The following DHX32 variants were observed in gnomAD, a reference collection of about 807,000 sequenced individuals.
The protein encoded by DHX32 is putative pre-mRNA-splicing factor ATP-dependent RNA helicase DHX32.
DHX32 carries 51 observed loss-of-function variants against 70.0 expected under a neutral mutation model. The observed-to-expected ratio is 0.73, with a 90% confidence interval of 0.58 to 0.92. The LOEUF (loss-of-function observed/expected upper bound fraction) is 0.92, where lower values mean the gene tolerates loss of function less well. Among genes scored for constraint, DHX32 ranks in the 40% least tolerant of loss-of-function variants. The pLI, the probability that DHX32 is intolerant of heterozygous loss-of-function variation, is 0.00. For missense variants in DHX32, 762 were observed against 891.8 expected, an observed-to-expected ratio of 0.85 and a Z score of 1.85; for synonymous variants, 310 against 315.3, an observed-to-expected ratio of 0.98 and a Z score of 0.18.
At chr10:125,859,560 T>C (rs990288835) in intron 3 of DHX32, 43 bp downstream of exon 3, 4 of 1,513,972 alleles carry the variant, frequency 2.6e-6, no homozygotes, top group Non-Finnish European at 3.5e-6. Flanking sequence ...GCTTCCCAAA[T>C]GAAATACCTT....
intron 1 of DHX32, among the ~76,000 whole-genome samples, chr10:125,894,619 A>C (rs1944405306): frequency 6.6e-6 from 1 of 152,308 alleles, no homozygotes; most frequent in Non-Finnish European, 1.5e-5. Context: ...CATTTTTTCC[A>C]AACTTAAAAC....
rs764051139 is a variant in DHX32, at chr10:125,838,240, AGTT to A, written c.2026_2028del (p.Asn676del). 15 of 1,611,870 alleles carry A rather than the reference AGTT, an allele frequency of 9.3e-6. No homozygotes were observed. Among genetic ancestry groups the A allele is most frequent in the Admixed American group, 1.7e-5 (1 of 59,476 alleles). On this transcript the variant is annotated inframe_deletion, in exon 10 of 11. Transcript: ENST00000284690. ...GAGATTTCTGAGGTAATCCTGATGT[AGTT>A]GTTCTCAGAAATGCTGAATTTATGG...
At chr10:125,842,952 T>C (rs1564823481) in intron 6 of DHX32, 1 of 245,960 alleles carries the variant, frequency 4.1e-6, no homozygotes, top group Non-Finnish European at 6.5e-6. Context: ...TATATATAGA[T>C]TGGTGCAAAA....
intron 2 of DHX32, among the ~76,000 whole-genome samples, chr10:125,863,463 T>C (rs979783267): frequency 6.6e-6 from 1 of 152,080 alleles, no homozygotes; most frequent in African/African-American, 2.4e-5. Flanking sequence ...TTTTTTTTTT[T>C]TTGAGATGGA....
intron 3 of DHX32, among the ~76,000 whole-genome samples, chr10:125,858,850 A>G (rs754519263): frequency 1.3e-5 from 2 of 152,132 alleles, no homozygotes; most frequent in Non-Finnish European, 2.9e-5. Context: ...GATTCAGCCA[A>G]CAGAGTAGTG....
At chr10:125,877,263 G>T (rs976885457) in intron 1 of DHX32, among the ~76,000 whole-genome samples, 1 of 152,162 alleles carries the variant, frequency 6.6e-6, no homozygotes, top group African/African-American at 2.4e-5. Context: ...GTAATGAACT[G>T]AAATCGTTTG....
At chr10:125,868,790 A>C (rs529560112) in intron 1 of DHX32, among the ~76,000 whole-genome samples, 1 of 152,288 alleles carries the variant, frequency 6.6e-6, no homozygotes, top group Admixed American at 6.5e-5. Context: ...AATAGACTGA[A>C]TGAATGAGAA....
rs1854689612 is a variant in DHX32, at chr10:125,836,497, T to C, written c.*190A>G. ...AACTTTTCCAAGAAGAAGAAAAGCA[T>C]GGAGTAGTAATTTAAAGAACTCAAT... On this transcript the variant is annotated 3_prime_UTR_variant, in exon 11 of 11. Coordinates refer to ENST00000284690, the MANE Select transcript of DHX32 (RefSeq NM_018180.3). 2 of 1,377,678 alleles carry C rather than the reference T, an allele frequency of 1.5e-6. No individual in the cohort carries two copies. Among genetic ancestry groups the C allele is most frequent in the Non-Finnish European group, 1.9e-6 (2 of 1,057,564 alleles). 85.3% of individuals were successfully genotyped at this position (1,377,678 alleles called of 1,614,324 possible).
upstream of DHX32, among the ~76,000 whole-genome samples, chr10:125,882,302 A>G (rs1173334078): frequency 1.3e-5 from 2 of 152,228 alleles, no homozygotes; most frequent in African/African-American, 4.8e-5. Flanking sequence ...AAGTTACTGC[A>G]CTTTTCGGAT....
Position 125,859,898 on chromosome 10 carries a change from T to C in DHX32, c.554A>G (p.Asp185Gly), listed in dbSNP as rs1350304126. The C allele has an allele frequency of 6.2e-7, 1 of 1,613,852 alleles. No homozygotes were observed. The highest frequency in any genetic ancestry group is 8.5e-7 in the Non-Finnish European group (1 of 1,179,950). The change falls in exon 3 of 11, where the codon GAT becomes GGT. Residue 185 changes from aspartate (D) to glycine (G), a missense_variant. Coordinates refer to ENST00000284690, the MANE Select transcript of DHX32 (RefSeq NM_018180.3). The part of the protein sequence containing the change: ...FLGSYGVIIL[D>G]DIHERSIATD... ...TGCAATGCTTCTTTCATGAATATCA[T>C]CTAAGATGATGACCCCATAGCTACC...
chr10:125,864,790 T>C (rs11244677), intron 2 of DHX32, among the ~76,000 whole-genome samples: 71,995 of 151,234 alleles, frequency 0.48, 17,671 homozygotes, highest in African/African-American at 0.58. Context: ...GTTAGCCAAG[T>C]GTGATGGTGC....
chr10:125,880,767 C>T lies in DHX32; in HGVS notation c.58G>A (p.Glu20Lys). The T allele has an allele frequency of 6.2e-7, 1 of 1,614,194 alleles. No homozygotes were observed. Among genetic ancestry groups the T allele is most frequent in the Non-Finnish European group, 8.5e-7 (1 of 1,180,030 alleles). The change falls in exon 1 of 11, where the codon GAA (glutamate) becomes AAA (lysine). Residue 20 changes from glutamate to lysine, a missense_variant. Physicochemically the swap from Glu to Lys is moderately conservative, Grantham distance 56 (BLOSUM62 1). Coordinates refer to ENST00000284690, the MANE Select transcript of DHX32 (RefSeq NM_018180.3). ...TCCCCATCGCTGGAATCCAGGGATT[C>T]AGGAAAATAGCGTTTTTCAGAGGAA... ...NSSSEKRYFP[E>K]SLDSSDGDEE...
chr10:125,860,787 G>T (rs1034248899), intron 2 of DHX32, among the ~76,000 whole-genome samples: 7 of 114,878 alleles, frequency 6.1e-5, no homozygotes, highest in Non-Finnish European at 8.2e-5. Flanking sequence ...ATAGAGTCTC[G>T]CTCTGTCGCC....
At chr10:125,855,610 G>T (rs963523909) in intron 3 of DHX32, among the ~76,000 whole-genome samples, 1 of 151,750 alleles carries the variant, frequency 6.6e-6, no homozygotes, top group Non-Finnish European at 1.5e-5. Context: ...CACCATGGCC[G>T]GCTAATTTTT....
chr10:125,851,369 G>A lies in DHX32; in HGVS notation c.1351+924C>T, dbSNP rs564430040. 4.6e-5 allele frequency among the ~76,000 whole-genome samples: 7 copies of A among 152,314 alleles called. No homozygotes were observed. In the East Asian group the frequency reaches 1.2e-3, roughly 25 times the overall value. ...TTATCAGCTTTAAGCCTCATGGAATGAGCAGCACAGAGGGTGACTATTGAG... is the reference window on the plus strand; with the variant it reads ...TTATCAGCTTTAAGCCTCATGGAATAAGCAGCACAGAGGGTGACTATTGAG... On this transcript the variant is annotated intron_variant, in intron 6 of 10. Coordinates refer to ENST00000284690, the MANE Select transcript of DHX32 (RefSeq NM_018180.3).
chr10:125,878,073 C>T (rs1411618995), intron 1 of DHX32, among the ~76,000 whole-genome samples: 2 of 152,130 alleles, frequency 1.3e-5, no homozygotes, highest in African/African-American at 4.8e-5. Context: ...CTCACTTGAA[C>T]AAAAACTTGA....
chr10:125,844,111 A>C (rs1854949949), intron 6 of DHX32, among the ~76,000 whole-genome samples: 1 of 152,142 alleles, frequency 6.6e-6, no homozygotes, highest in South Asian at 2.1e-4. Context: ...AATCACAATC[A>C]TGGGAAATAA....
At chr10:125,841,192 T>TGC (rs1854867381) in intron 7 of DHX32, 196 bp from the exon 8 acceptor site, 1 of 1,491,048 alleles carries the variant, frequency 6.7e-7, no homozygotes, top group African/African-American at 1.4e-5. Flanking sequence ...TCCTTTTGTG[T>TGC]GTGTGTGTTT....
chr10:125,841,067 G>A, intron 7 of DHX32, 71 bp from the exon 8 acceptor site: 1 of 1,521,176 alleles, frequency 6.6e-7, no homozygotes, highest in East Asian at 2.3e-5. Flanking sequence ...ATGCAGAGGG[G>A]AGGGGTCACG....
Sources: allele counts gnomAD v4.1 joint callset (sites outside exome capture counted in the v4.1 genomes callset), GRCh38; gene constraint gnomAD v4.1.1; transcripts MANE v1.5; gene names NCBI Gene and HGNC (gene_info 2026-07-23, HGNC 2026-07-21).